ULK2: variants seen among roughly 807,000 people sequenced by gnomAD.
The protein encoded by ULK2 is unc-51 like autophagy activating kinase 2.
A neutral mutation model predicts 127.5 loss-of-function variants in ULK2; 76 were observed. The observed-to-expected ratio is 0.60, with a 90% CI of 0.50 to 0.72. The LOEUF is 0.72. Among genes scored for constraint, ULK2 ranks in the 30% least tolerant of loss-of-function variants. The pLI is 0.00. For missense variants in ULK2, 1,144 were observed against 1,295.9 expected, an observed-to-expected ratio of 0.88 and a Z score of 1.80; for synonymous variants, 452 against 461.9, an observed-to-expected ratio of 0.98 and a Z score of 0.28.
In ULK2 at chr17:19,774,581, G is replaced by C. The variant is rs1169121416; in HGVS notation, c.*1768C>G. ...AATAAAGTATCACTAATAACAAATA[G>C]GGTTGTGGAGGTAAAACAGTCTATG... On this transcript the variant is annotated 3_prime_UTR_variant, in exon 27 of 27. Coordinates refer to ENST00000395544, the MANE Select transcript of ULK2 (RefSeq NM_014683.4). 6.6e-6 allele frequency: 1 copy of C among 152,184 alleles called. No homozygotes were observed. The highest frequency in any genetic ancestry group is 1.5e-5 in the Non-Finnish European group (1 of 68,040). 9.4% of individuals were successfully genotyped at this position (152,184 alleles called of 1,614,324 possible).
chr17:19,795,478 T>C (rs1597724714), intron 20 of ULK2, 144 bp downstream of exon 20: 3 of 683,908 alleles, frequency 4.4e-6, no homozygotes, highest in Admixed American at 4.6e-5. Context: ...GATGAGAGGA[T>C]AGGGATGGCA....
chr17:19,827,851 G>T (rs928029572), intron 10 of ULK2, among the ~76,000 whole-genome samples: 1 of 151,910 alleles, frequency 6.6e-6, no homozygotes, highest in Non-Finnish European at 1.5e-5. Flanking sequence ...TGGAGGTTGC[G>T]GTGAGCCGAG....
At chr17:19,813,475 A>AG (rs1213609284) in intron 13 of ULK2, among the ~76,000 whole-genome samples, 1 of 152,188 alleles carries the variant, frequency 6.6e-6, no homozygotes, top group African/African-American at 2.4e-5. Flanking sequence ...AAAAATCAGC[A>AG]GGGCACTCAG....
intron 3 of ULK2, among the ~76,000 whole-genome samples, 173 bp from the exon 4 acceptor site, chr17:19,849,947 C>T (rs1036588761): frequency 1.3e-5 from 2 of 152,270 alleles, no homozygotes; most frequent in Non-Finnish European, 2.9e-5. Context: ...ATTATCTCCT[C>T]TACAAAGCCA....
intron 10 of ULK2, among the ~76,000 whole-genome samples, chr17:19,838,097 A>G (rs1246589337): frequency 6.6e-6 from 1 of 151,942 alleles, no homozygotes; most frequent in Non-Finnish European, 1.5e-5. Context: ...CACATGGCTC[A>G]CTCTCATTTC....
At chr17:19,820,504 T>C (rs919084571) in intron 12 of ULK2, among the ~76,000 whole-genome samples, 1 of 152,236 alleles carries the variant, frequency 6.6e-6, no homozygotes, top group Non-Finnish European at 1.5e-5. Flanking sequence ...AGCCTTGTTC[T>C]TTCTGCAATG....
rs376380969 is a variant in ULK2, at chr17:19,777,560, C to T, written c.3052+21G>A. On this transcript the variant is annotated intron_variant, in intron 26 of 26. Transcript: ENST00000395544. ...AACTAAAATGAAGTAAAAAAATACA[C>T]TACTTTGTAAGTCAACTTACATTTA... is the stretch of plus-strand genomic sequence containing the variant. 38 of 1,588,338 alleles carry T rather than the reference C, an allele frequency of 2.4e-5. No homozygotes were observed. The African/African-American group carries it at 5.2e-4, about 22-fold the overall frequency.
At chr17:19,784,669 G>A (rs147589303) in intron 21 of ULK2, among the ~76,000 whole-genome samples, 4,349 of 151,706 alleles carry the variant, frequency 0.029, 196 homozygotes, top group African/African-American at 0.099. Flanking sequence ...GACTATAGGC[G>A]TATGCCACCA....
At chr17:19,828,486 A>G (rs2041350704) in intron 10 of ULK2, among the ~76,000 whole-genome samples, 1 of 152,238 alleles carries the variant, frequency 6.6e-6, no homozygotes, top group Non-Finnish European at 1.5e-5. Context: ...GGTATAAAGC[A>G]ATACAGAAGT....
chr17:19,853,715 G>A lies in ULK2; in HGVS notation c.226-3941C>T, dbSNP rs183075831. ...GCCTCCCGAGTAGCTGGGACTACAG[G>A]CACCTGCCACCACTCCCGGCTAATT... is the stretch of plus-strand genomic sequence containing the variant. On this transcript the variant is annotated intron_variant, in intron 3 of 26. Coordinates refer to ENST00000395544, the MANE Select transcript of ULK2 (RefSeq NM_014683.4). 5.4e-3 allele frequency among the ~76,000 whole-genome samples: 824 copies of A among 152,086 alleles called. 13 individuals are homozygous for A. Among genetic ancestry groups the A allele is most frequent in the African/African-American group, 0.018 (756 of 41,492 alleles).
At chr17:19,867,187 G>T in intron 1 of ULK2, 141 bp downstream of exon 1, 1 of 619,644 alleles carries the variant, frequency 1.6e-6, no homozygotes, top group Non-Finnish European at 2.6e-6. Context: ...AAAACAAACG[G>T]CGAGACGGGC....
chr17:19,780,109 G>C (rs1302239536), intron 25 of ULK2, among the ~76,000 whole-genome samples: 2 of 152,004 alleles, frequency 1.3e-5, no homozygotes, highest in Admixed American at 1.3e-4. Context: ...GGGAAGCAGA[G>C]GTTGCAGTGA....
rs573418359 is a variant in ULK2 at position 19,773,516 on chromosome 17, T to C, written c.*2833A>G. The C allele has an allele frequency of 6.6e-6, 1 of 152,356 alleles. No homozygotes were observed. The highest frequency in any genetic ancestry group is 1.5e-5 in the Non-Finnish European group (1 of 68,036). The allele number at this position is 152,356 out of a possible 1,614,324, so 9.4% of individuals were successfully genotyped here. On this transcript the variant is annotated 3_prime_UTR_variant, in exon 27 of 27. Transcript: ENST00000395544. Reference sequence around the variant, plus strand: ...CAATAAGTTACTTATCAGTCTTCACTAGAGGTTGTTTCTCTCAACTAAAGT... The same window carrying C: ...CAATAAGTTACTTATCAGTCTTCACCAGAGGTTGTTTCTCTCAACTAAAGT...
chr17:19,828,477 GT>G (rs1400967819), intron 10 of ULK2, among the ~76,000 whole-genome samples: 10 of 152,054 alleles, frequency 6.6e-5, no homozygotes, highest in Non-Finnish European at 1.0e-4. Flanking sequence ...CATAAAGGGG[GT>G]ATAAAGCAAT....
At chr17:19,859,088 G>A (rs547079498) in intron 3 of ULK2, among the ~76,000 whole-genome samples, 2 of 152,208 alleles carry the variant, frequency 1.3e-5, no homozygotes, top group African/African-American at 4.8e-5. Context: ...CCAGCAGTTC[G>A]AGACCAGCCT....
intron 16 of ULK2, among the ~76,000 whole-genome samples, chr17:19,800,692 G>C (rs1227951939): frequency 6.6e-6 from 1 of 152,112 alleles, no homozygotes; most frequent in Non-Finnish European, 1.5e-5. Context: ...ACTTCTTCCT[G>C]TTCCATCTTA....
Position 19,773,981 on chromosome 17 carries a change from G to A in ULK2, c.*2368C>T, listed in dbSNP as rs1240000286. The stretch of plus-strand genomic sequence containing the variant: ...GGGAAACCAACTATATACAGCATAG[G>A]CTCTCTCTCTATATATAGTCCAGTG... On this transcript the variant is annotated 3_prime_UTR_variant, in exon 27 of 27. Coordinates refer to ENST00000395544, the MANE Select transcript of ULK2 (RefSeq NM_014683.4). 1 of 151,360 alleles carries A rather than the reference G, an allele frequency of 6.6e-6. No homozygotes were observed. The highest frequency in any genetic ancestry group is 2.4e-5 in the African/African-American group (1 of 41,290). The allele number at this position is 151,360 out of a possible 1,614,324, so 9.4% of individuals were successfully genotyped here.
At chr17:19,782,135 T>C in intron 22 of ULK2, 68 bp from the exon 23 acceptor site, 2 of 1,457,880 alleles carry the variant, frequency 1.4e-6, no homozygotes, top group South Asian at 1.3e-5. Flanking sequence ...TTTCTGTACA[T>C]AAACCATGGC....
rs189035844 is a variant in ULK2, at chr17:19,866,903, G to A, written c.90+425C>T. Among the ~76,000 whole-genome samples the A allele has an allele frequency of 5.4e-3, 819 of 152,220 alleles. 4 individuals carry two copies. The highest frequency in any genetic ancestry group is 0.014 in the Middle Eastern group (4 of 294). ...AGGCTGCGAAAGCCTGAGGCTAATG[G>A]GACATCCGCCCATTTTCCGCTGGGT... On this transcript the variant is annotated intron_variant, in intron 1 of 26. Transcript: ENST00000395544.
Sources: allele counts gnomAD v4.1 joint callset (sites outside exome capture counted in the v4.1 genomes callset), GRCh38; gene constraint gnomAD v4.1.1; transcripts MANE v1.5; gene names NCBI Gene and HGNC (gene_info 2026-07-23, HGNC 2026-07-21).